The following ANO2 variants were observed in gnomAD, a reference collection of about 807,000 sequenced individuals.
ANO2 encodes the protein anoctamin-2.
Under a neutral mutation model 124.2 loss-of-function variants are expected in ANO2, and 101 were observed. The observed-to-expected ratio is 0.81, with a 90% CI of 0.69 to 0.96. The LOEUF is 0.96. Among genes scored for constraint, ANO2 ranks in the 40% least tolerant of loss-of-function variants. The pLI, the probability that ANO2 is intolerant of heterozygous loss-of-function variation, is 0.00. For synonymous variants in ANO2, 486 were observed against 482.5 expected, an observed-to-expected ratio of 1.01 and a Z score of -0.09; for missense variants, 1,293 against 1,274.5, an observed-to-expected ratio of 1.01 and a Z score of -0.22.
intron 7 of ANO2, among the ~76,000 whole-genome samples, chr12:5,818,299 T>C (rs1017343920): frequency 6.6e-6 from 1 of 151,806 alleles, no homozygotes; most frequent in Non-Finnish European, 1.5e-5. Context: ...AAGACTATAC[T>C]GGCCTACATC....
chr12:5,694,933 GTAAC>G (rs1186166825), intron 14 of ANO2, among the ~76,000 whole-genome samples: 1 of 152,010 alleles, frequency 6.6e-6, no homozygotes, highest in Non-Finnish European at 1.5e-5. Flanking sequence ...AACAGGGATA[GTAAC>G]TAACTCTGTC....
chr12:5,936,632 T>G (rs1441043080), intron 1 of ANO2, among the ~76,000 whole-genome samples: 1 of 152,244 alleles, frequency 6.6e-6, no homozygotes, highest in African/African-American at 2.4e-5. Flanking sequence ...CAAGCCAGTC[T>G]CTGGCATTTT....
At chr12:5,779,094 G>A (rs1011589407) in intron 10 of ANO2, among the ~76,000 whole-genome samples, 3 of 152,224 alleles carry the variant, frequency 2.0e-5, no homozygotes, top group African/African-American at 7.2e-5. Flanking sequence ...GACCTCTGGA[G>A]AACCCTTCTA....
At position 5,744,156 on chromosome 12, in the gene ANO2, C is replaced by A. The variant is rs1246803508; in HGVS notation, c.1351+1G>T. 2 of 1,613,258 alleles carry A rather than the reference C, an allele frequency of 1.2e-6. No homozygotes were observed. Among genetic ancestry groups the A allele is most frequent in the South Asian group, 2.2e-5 (2 of 91,078 alleles). On this transcript the variant is annotated splice_donor_variant, in intron 12 of 24. Coordinates refer to ENST00000682330, the MANE Select transcript of ANO2 (RefSeq NM_001364791.2). LOFTEE classifies it high-confidence loss of function. Reference sequence around the variant, plus strand: ...AAGCAAGCCTGGTGATGGCCACATACCCCACAGAGCCATGAAGATAGAGAA... The same window carrying A: ...AAGCAAGCCTGGTGATGGCCACATAACCCACAGAGCCATGAAGATAGAGAA...
intron 14 of ANO2, among the ~76,000 whole-genome samples, chr12:5,668,198 A>G (rs554624380): frequency 2.0e-5 from 3 of 152,350 alleles, no homozygotes; most frequent in African/African-American, 7.2e-5. Context: ...GTTTCTCTGC[A>G]ACCTCACCAG....
chr12:5,716,903 G>C (rs564778609), intron 14 of ANO2, among the ~76,000 whole-genome samples: 52 of 152,324 alleles, frequency 3.4e-4, no homozygotes, highest in African/African-American at 1.2e-3. Context: ...CAAAGGTGCT[G>C]TGGAAATCAA....
intron 3 of ANO2, among the ~76,000 whole-genome samples, chr12:5,888,364 G>A (rs946266988): frequency 1.2e-4 from 19 of 152,286 alleles, no homozygotes; most frequent in Middle Eastern, 3.4e-3. Context: ...TGCAAAAAGC[G>A]AAAGAACAAA....
At position 5,863,288 on chromosome 12, in the gene ANO2, A is replaced by T. The variant is rs549509009; in HGVS notation, c.535-9147T>A. On this transcript the variant is annotated intron_variant, in intron 3 of 24. Transcript: ENST00000682330. Reference sequence around the variant, plus strand: ...CACGGCACCTTGAAAGACCTAACCTATGGGGAGTCAGCAACAGAGTGTGAC... The same window carrying T: ...CACGGCACCTTGAAAGACCTAACCTTTGGGGAGTCAGCAACAGAGTGTGAC... 8.5e-5 allele frequency among the ~76,000 whole-genome samples: 13 copies of T among 152,250 alleles called. No homozygotes were observed. In the East Asian group the frequency reaches 2.5e-3, roughly 29 times the overall value.
chr12:5,700,942 C>T (rs1033606565), intron 14 of ANO2, among the ~76,000 whole-genome samples: 4 of 152,076 alleles, frequency 2.6e-5, no homozygotes, highest in African/African-American at 9.7e-5. Flanking sequence ...TTTTTCTTCC[C>T]TATATAATCT....
intron 19 of ANO2, among the ~76,000 whole-genome samples, chr12:5,600,488 C>T (rs1943889202): frequency 1.3e-5 from 2 of 152,086 alleles, no homozygotes; most frequent in African/African-American, 4.8e-5. Context: ...TAATAATGGC[C>T]CAATTTCTCA....
intron 3 of ANO2, among the ~76,000 whole-genome samples, chr12:5,871,268 G>A (rs1347738565): frequency 6.6e-6 from 1 of 152,116 alleles, no homozygotes; most frequent in Non-Finnish European, 1.5e-5. Context: ...AATCCCTCCT[G>A]GGGATATTTA....
chr12:5,638,194 T>C (rs561032436), intron 15 of ANO2, among the ~76,000 whole-genome samples: 5 of 152,034 alleles, frequency 3.3e-5, no homozygotes, highest in African/African-American at 7.2e-5. Flanking sequence ...GCCTTCTAGA[T>C]GTCTTTATTC....
intron 14 of ANO2, among the ~76,000 whole-genome samples, chr12:5,670,012 T>C (rs1186408699): frequency 6.6e-6 from 1 of 152,206 alleles, no homozygotes; most frequent in Non-Finnish European, 1.5e-5. Flanking sequence ...CATAAAACTT[T>C]ACAAGTCTCC....
At chr12:5,763,393 A>G (rs2362470) in intron 10 of ANO2, among the ~76,000 whole-genome samples, 43,042 of 151,944 alleles carry the variant, frequency 0.28, 6,368 homozygotes, top group African/African-American at 0.33. Context: ...AAAATGGTAT[A>G]TACTATAGAA....
chr12:5,766,897 G>C (rs181056483), intron 10 of ANO2, among the ~76,000 whole-genome samples: 84 of 152,246 alleles, frequency 5.5e-4, no homozygotes, highest in Non-Finnish European at 1.0e-3. Flanking sequence ...AAAAGACAAG[G>C]CTTCCAAAAA....
chr12:5,611,521 A>T (rs957281851), intron 19 of ANO2, among the ~76,000 whole-genome samples: 1 of 152,140 alleles, frequency 6.6e-6, no homozygotes, highest in Non-Finnish European at 1.5e-5. Flanking sequence ...AAACAGTGTT[A>T]TTCCTGGTTA....
intron 3 of ANO2, among the ~76,000 whole-genome samples, chr12:5,865,749 G>A (rs900128374): frequency 6.6e-6 from 1 of 150,706 alleles, no homozygotes; most frequent in South Asian, 2.1e-4. Flanking sequence ...ACACCATCAT[G>A]CAATCACACC....
intron 13 of ANO2, among the ~76,000 whole-genome samples, chr12:5,738,303 G>T (rs1156913394): frequency 1.3e-5 from 2 of 152,322 alleles, no homozygotes; most frequent in East Asian, 3.9e-4. Context: ...AAGTGTCAGG[G>T]CCACAAGGCC....
Position 5,888,177 on chromosome 12 carries a change from T to C in ANO2, c.534+32863A>G, listed in dbSNP as rs542960317. On this transcript the variant is annotated intron_variant, in intron 3 of 24. Coordinates refer to ENST00000682330, the MANE Select transcript of ANO2 (RefSeq NM_001364791.2). ...GGTCTCGCTGGATCAGGAGTGAAGC[T>C]GCAGACCTTCGCGGTGAGTGTTACA... 2.0e-5 allele frequency among the ~76,000 whole-genome samples: 3 copies of C among 152,226 alleles called. No individual in the cohort carries two copies. In the East Asian group the frequency reaches 5.8e-4, roughly 29 times the overall value.
Sources: gnomAD v4.1 joint callset for allele counts (sites outside exome capture counted in the v4.1 genomes callset) on GRCh38, gnomAD v4.1.1 for gene constraint, MANE v1.5 for transcripts, NCBI Gene and HGNC (gene_info 2026-07-23, HGNC 2026-07-21) for gene names.